Variants in TRPC5 observed in about 807,000 individuals in gnomAD.
TRPC5 encodes the protein transient receptor potential cation channel subfamily C member 5, also known as short transient receptor potential channel 5.
A neutral mutation model predicts 56.5 loss-of-function variants in TRPC5; 9 were observed. That is an observed-to-expected ratio of 0.16 (90% CI 0.10 to 0.28). The LOEUF is 0.28. Ranked by LOEUF, TRPC5 falls within the 10% of genes least tolerant of loss-of-function variation. The pLI is 1.00. For synonymous variants in TRPC5, 282 were observed against 278.5 expected, an observed-to-expected ratio of 1.01 and a Z score of -0.13; for missense variants, 469 against 748.9, an observed-to-expected ratio of 0.63 and a Z score of 4.36.
intron 7 of TRPC5, among the ~76,000 whole-genome samples, chrX:111,829,814 C>G (rs1392262606): frequency 9.7e-5 from 11 of 113,273 alleles, no homozygotes; most frequent in Non-Finnish European, 1.7e-4. Context: ...GGGGCAGAGC[C>G]CTCATGGAGA....
intron 1 of TRPC5, among the ~76,000 whole-genome samples, chrX:112,034,773 T>C (rs988701791): frequency 2.9e-4 from 32 of 110,588 alleles, no homozygotes; most frequent in Non-Finnish European, 3.8e-4. Flanking sequence ...TTCATAGTAG[T>C]TTCTTATAAT....
intron 5 of TRPC5, among the ~76,000 whole-genome samples, 171 bp downstream of exon 5, chrX:111,852,127 G>T (rs1049177321): frequency 8.9e-6 from 1 of 112,332 alleles, no homozygotes; most frequent in Non-Finnish European, 1.9e-5. Flanking sequence ...CTTTGCTTAG[G>T]TGGACACTGC....
intron 3 of TRPC5, among the ~76,000 whole-genome samples, chrX:111,907,929 G>C (rs915673533): frequency 1.8e-5 from 2 of 111,130 alleles, no homozygotes; most frequent in Admixed American, 1.9e-4. Flanking sequence ...AAGGACTTTT[G>C]AGAATGAAGT....
At chrX:111,879,898 A>C (rs1045820028) in intron 3 of TRPC5, among the ~76,000 whole-genome samples, 23 of 108,334 alleles carry the variant, frequency 2.1e-4, no homozygotes, top group African/African-American at 8.3e-4. Context: ...GGATTTACTT[A>C]TCTAGTCAAG....
chrX:111,787,320 A>G (rs903053363), intron 7 of TRPC5, among the ~76,000 whole-genome samples: 10 of 111,664 alleles, frequency 9.0e-5, no homozygotes, highest in Non-Finnish European at 1.7e-4. Context: ...GGTAAATAAC[A>G]AAATGAAGGC....
At chrX:112,081,040 C>T (rs1322301832) in intron 1 of TRPC5, among the ~76,000 whole-genome samples, 1 of 112,178 alleles carries the variant, frequency 8.9e-6, no homozygotes, top group Non-Finnish European at 1.9e-5. Flanking sequence ...CTGGTTTCCC[C>T]GCTTCAGGCT....
chrX:111,898,868 C>T (rs1436363737), intron 3 of TRPC5, among the ~76,000 whole-genome samples: 3 of 109,744 alleles, frequency 2.7e-5, no homozygotes, highest in African/African-American at 9.9e-5. Context: ...TCATTCCCCA[C>T]TCCTCCCCCA....
chrX:111,847,081 A>AT, intron 6 of TRPC5, 33 bp downstream of exon 6: 3 of 1,156,020 alleles, frequency 2.6e-6, no homozygotes, highest in Non-Finnish European at 3.4e-6. Flanking sequence ...CAAAAAAAAA[A>AT]ATAAATAAAT....
Position 111,909,348 on chromosome X carries a change from A to AATT in TRPC5, c.900+2942_900+2943insAAT, listed in dbSNP as rs1569527963. Among the ~76,000 whole-genome samples the AATT allele has an allele frequency of 2.6e-4, 25 of 97,098 alleles. No homozygotes were observed. The East Asian group carries it at 3.0e-3, about 12-fold the overall frequency. The allele number at this position is 97,098 out of a possible 115,157, so 84.3% of individuals were successfully genotyped here. On this transcript the variant is annotated intron_variant, in intron 3 of 10. Coordinates refer to ENST00000262839, the MANE Select transcript of TRPC5 (RefSeq NM_012471.3). ...CCGTCTCAAAAATAAATAAATAAATAAATAAATAAATTAATTAATTAATTT... is the reference window on the plus strand; with the variant it reads ...CCGTCTCAAAAATAAATAAATAAATAATTAATAAATAAATTAATTAATTAATTT...
intron 1 of TRPC5, among the ~76,000 whole-genome samples, chrX:112,021,857 A>G (rs1242213434): frequency 8.9e-6 from 1 of 112,606 alleles, no homozygotes; most frequent in Non-Finnish European, 1.9e-5. Flanking sequence ...ATTCCAATGG[A>G]ATGCTTACTG....
At chrX:111,825,207 CTTTCTTTCTTTCTTCTTTCTT>C (rs1569525919) in intron 7 of TRPC5, among the ~76,000 whole-genome samples, 21 of 59,299 alleles carry the variant, frequency 3.5e-4, no homozygotes, top group Non-Finnish European at 4.9e-4. Context: ...TTCTTTCTTT[CTTTCTTTCTTTCTTCTTTCTT>C]TCTCTCTCTC....
intron 2 of TRPC5, among the ~76,000 whole-genome samples, chrX:111,927,193 C>G (rs1926282988): frequency 1.8e-5 from 2 of 112,225 alleles, no homozygotes; most frequent in Admixed American, 1.9e-4. Context: ...CCTGGCCTTA[C>G]CCCCTTGATA....
At chrX:111,986,966 A>T (rs998926875) in intron 1 of TRPC5, among the ~76,000 whole-genome samples, 13 of 111,634 alleles carry the variant, frequency 1.2e-4, no homozygotes, top group Non-Finnish European at 2.3e-4. Context: ...CCCTGAGCTC[A>T]TTCTTTTCTT....
intron 5 of TRPC5, among the ~76,000 whole-genome samples, chrX:111,850,457 G>T (rs953458872): frequency 8.9e-6 from 1 of 111,887 alleles, no homozygotes; most frequent in African/African-American, 3.3e-5. Flanking sequence ...AGCCTATGTC[G>T]CAGTTCTTAT....
chrX:111,814,588 C>T (rs1220192407), intron 7 of TRPC5, among the ~76,000 whole-genome samples: 2 of 110,381 alleles, frequency 1.8e-5, no homozygotes, highest in East Asian at 5.7e-4. Context: ...CCCAATAGCC[C>T]CTTTAACCTT....
intron 2 of TRPC5, among the ~76,000 whole-genome samples, chrX:111,945,222 C>G (rs754230707): frequency 1.8e-5 from 2 of 108,924 alleles, no homozygotes; most frequent in Admixed American, 1.0e-4. Flanking sequence ...CAGTACTCCT[C>G]TAGTGGTTTC....
chrX:111,948,733 A>T, intron 2 of TRPC5, among the ~76,000 whole-genome samples: 1 of 92,159 alleles, frequency 1.1e-5, no homozygotes, highest in African/African-American at 4.4e-5. Flanking sequence ...CTCCAACTCC[A>T]AAAAAAAAAA....
At chrX:111,841,558 C>A (rs1356034363) in intron 6 of TRPC5, among the ~76,000 whole-genome samples, 1 of 112,043 alleles carries the variant, frequency 8.9e-6, no homozygotes, top group African/African-American at 3.2e-5. Flanking sequence ...TGTAATAGTG[C>A]CTGTTCCTAG....
intron 1 of TRPC5, among the ~76,000 whole-genome samples, chrX:111,965,514 A>T (rs1927536112): frequency 1.8e-5 from 2 of 111,942 alleles, no homozygotes; most frequent in South Asian, 7.6e-4. Context: ...AAATCAACAG[A>T]ATATACATTT....
Sources: gnomAD v4.1 joint callset for allele counts (sites outside exome capture counted in the v4.1 genomes callset) on GRCh38, gnomAD v4.1.1 for gene constraint, MANE v1.5 for transcripts, NCBI Gene and HGNC (gene_info 2026-07-23, HGNC 2026-07-21) for gene names.